AUTS2: variants seen among roughly 807,000 people sequenced by gnomAD.
The protein encoded by AUTS2 is activator of transcription and developmental regulator AUTS2.
A neutral mutation model predicts 112.4 loss-of-function variants in AUTS2; 17 were observed. The ratio of observed to expected loss-of-function variants is 0.15; its 90% CI spans 0.10 to 0.23. The LOEUF is 0.23. AUTS2 is among the 10% of genes least tolerant of loss of function. The pLI, the probability that AUTS2 is intolerant of heterozygous loss-of-function variation, is 1.00. For synonymous variants in AUTS2, 751 were observed against 702.7 expected, an observed-to-expected ratio of 1.07 and a Z score of -1.09; for missense variants, 1,510 against 1,701.6, an observed-to-expected ratio of 0.89 and a Z score of 1.98.
At chr7:70,534,395 A>AGTTT (rs1563022903) in intron 5 of AUTS2, among the ~76,000 whole-genome samples, 12 of 131,360 alleles carry the variant, frequency 9.1e-5, no homozygotes, top group Non-Finnish European at 1.6e-4. Context: ...TGGGAATATG[A>AGTTT]ATTTGTTTGT....
intron 5 of AUTS2, among the ~76,000 whole-genome samples, chr7:70,681,303 C>T (rs762246017): frequency 4.6e-5 from 7 of 152,132 alleles, no homozygotes; most frequent in Non-Finnish European, 7.3e-5. Flanking sequence ...AGGAGTAGGG[C>T]CCTGCCTCCC....
chr7:70,433,070 C>A (rs1795743073), intron 4 of AUTS2, among the ~76,000 whole-genome samples: 1 of 152,206 alleles, frequency 6.6e-6, no homozygotes, highest in South Asian at 2.1e-4. Context: ...ATGCTTAACT[C>A]TGGAGACAAG....
intron 6 of AUTS2, among the ~76,000 whole-genome samples, chr7:70,753,932 G>A (rs1789021393): frequency 6.6e-6 from 1 of 152,066 alleles, no homozygotes; most frequent in Non-Finnish European, 1.5e-5. Flanking sequence ...CGAGGCGGGT[G>A]GATCACGAGG....
chr7:70,516,392 C>G (rs991221069), intron 5 of AUTS2, among the ~76,000 whole-genome samples: 2 of 152,128 alleles, frequency 1.3e-5, no homozygotes, highest in African/African-American at 4.8e-5. Flanking sequence ...CCTGAAGCAC[C>G]CTCTTTTTGC....
intron 4 of AUTS2, among the ~76,000 whole-genome samples, chr7:70,135,800 C>T (rs550939382): frequency 2.0e-4 from 31 of 152,116 alleles, no homozygotes; most frequent in Admixed American, 9.2e-4. Flanking sequence ...CATTCAGTAT[C>T]CTGCTTCAGC....
chr7:69,767,327 C>A (rs1246297409), intron 1 of AUTS2, among the ~76,000 whole-genome samples: 1 of 152,036 alleles, frequency 6.6e-6, no homozygotes, highest in African/African-American at 2.4e-5. Context: ...TAGGCACACA[C>A]AACCATGCCT....
intron 5 of AUTS2, among the ~76,000 whole-genome samples, chr7:70,534,378 G>T (rs1374254013): frequency 6.6e-6 from 1 of 151,434 alleles, no homozygotes; most frequent in Non-Finnish European, 1.5e-5. Flanking sequence ...GAATATCGGG[G>T]AGTTATTGGG....
chr7:69,599,986 G>C lies in AUTS2; in HGVS notation c.309+24G>C, dbSNP rs774986348. On this transcript the variant is annotated intron_variant, in intron 1 of 18. Coordinates refer to ENST00000342771, the MANE Select transcript of AUTS2 (RefSeq NM_015570.4). The surrounding 1 kb of genome is among the most constrained non-coding windows in gnomAD (Gnocchi z 7.0). ...AGGTAAGGGGGACCCCCCTTCCCCC[G>C]GGTTCCCTTTATGCACGACCCCACT... is the stretch of plus-strand genomic sequence containing the variant. 1 of 1,611,828 alleles carries C rather than the reference G, an allele frequency of 6.2e-7. No individual in the cohort carries two copies. The highest frequency in any genetic ancestry group is 8.5e-7 in the Non-Finnish European group (1 of 1,179,144).
rs147407232 is a variant in AUTS2 at position 69,975,418 on chromosome 7, C to G, written c.522+75920C>G. Among the ~76,000 whole-genome samples, 59 of 152,154 alleles carry G rather than the reference C, an allele frequency of 3.9e-4. 1 individual carries two copies. In the East Asian group the frequency reaches 0.011, roughly 28 times the overall value. On this transcript the variant is annotated intron_variant, in intron 2 of 18. Coordinates refer to ENST00000342771, the MANE Select transcript of AUTS2 (RefSeq NM_015570.4). ...TTTGCCAAATTTGAGAATTTTCACCCATCATTTCTTCATGTACTTTTAAAG... is the reference window on the plus strand; with the variant it reads ...TTTGCCAAATTTGAGAATTTTCACCGATCATTTCTTCATGTACTTTTAAAG...
At chr7:70,359,194 T>C (rs889083735) in intron 4 of AUTS2, among the ~76,000 whole-genome samples, 22 of 152,224 alleles carry the variant, frequency 1.4e-4, no homozygotes, top group Non-Finnish European at 2.6e-4. Flanking sequence ...TTGACATAGT[T>C]TGAACAAAGT....
chr7:69,919,857 A>G (rs1441042319), intron 2 of AUTS2, among the ~76,000 whole-genome samples: 1 of 152,224 alleles, frequency 6.6e-6, no homozygotes, highest in Non-Finnish European at 1.5e-5. Context: ...AGTATGTGAT[A>G]CCTACAAAGA....
At chr7:70,154,514 G>A (rs1326136627) in intron 4 of AUTS2, among the ~76,000 whole-genome samples, 4 of 152,150 alleles carry the variant, frequency 2.6e-5, no homozygotes, top group Non-Finnish European at 5.9e-5. Flanking sequence ...CCTTTAAGGA[G>A]ACAGGGAAAC....
At chr7:70,742,764 A>T (rs1003949447) in intron 6 of AUTS2, among the ~76,000 whole-genome samples, 1 of 152,068 alleles carries the variant, frequency 6.6e-6, no homozygotes, top group Non-Finnish European at 1.5e-5. Context: ...CTCCATCTCA[A>T]AAAGTGGAAT....
chr7:70,731,319 A>AT (rs575885880), intron 6 of AUTS2, among the ~76,000 whole-genome samples: 5,774 of 118,252 alleles, frequency 0.049, 306 homozygotes, highest in African/African-American at 0.16. Flanking sequence ...AGAAGATACT[A>AT]TTTTTTTTTT....
At chr7:70,611,313 C>T (rs915938910) in intron 5 of AUTS2, among the ~76,000 whole-genome samples, 2 of 152,152 alleles carry the variant, frequency 1.3e-5, no homozygotes, top group Non-Finnish European at 2.9e-5. Flanking sequence ...GGGCATGCCC[C>T]CTTCACCCTT....
intron 1 of AUTS2, among the ~76,000 whole-genome samples, chr7:69,867,253 G>T (rs530974869): frequency 6.6e-6 from 1 of 152,162 alleles, no homozygotes; most frequent in Non-Finnish European, 1.5e-5. Flanking sequence ...AGGCCTTGAG[G>T]ACTTGGTGGG....
intron 5 of AUTS2, among the ~76,000 whole-genome samples, chr7:70,588,897 C>T (rs193012043): frequency 1.8e-4 from 28 of 152,280 alleles, no homozygotes; most frequent in South Asian, 4.1e-4. Flanking sequence ...CATTTTTTTA[C>T]ATCTGAATTC....
intron 6 of AUTS2, among the ~76,000 whole-genome samples, chr7:70,751,130 G>A (rs777568357): frequency 3.0e-4 from 46 of 152,180 alleles, no homozygotes; most frequent in Middle Eastern, 3.2e-3. Flanking sequence ...TGACAGGGGC[G>A]CGTTGCAACA....
chr7:70,365,270 G>T (rs912913045), intron 4 of AUTS2, among the ~76,000 whole-genome samples: 2 of 152,038 alleles, frequency 1.3e-5, no homozygotes, highest in East Asian at 3.9e-4. Context: ...CTCATTTCCC[G>T]TTAGGTCATA....
Sources: allele counts gnomAD v4.1 joint callset (sites outside exome capture counted in the v4.1 genomes callset), GRCh38; gene constraint gnomAD v4.1.1; non-coding constraint Gnocchi (gnomAD v3.1); transcripts MANE v1.5; gene names NCBI Gene and HGNC (gene_info 2026-07-23, HGNC 2026-07-21).